MEI4: variants seen among roughly 807,000 people sequenced by gnomAD.
The protein encoded by MEI4 is meiosis-specific protein MEI4.
Under a neutral mutation model 31.4 loss-of-function variants are expected in MEI4, and 27 were observed. That is an observed-to-expected ratio of 0.86 (90% confidence interval 0.63 to 1.19). MEI4 has a LOEUF of 1.19. MEI4 is among the 50% of genes most tolerant of loss of function. MEI4 has a pLI of 0.00. For missense variants in MEI4, 329 were observed against 398.9 expected, an observed-to-expected ratio of 0.82 and a Z score of 1.49; for synonymous variants, 122 against 145.4, an observed-to-expected ratio of 0.84 and a Z score of 1.16.
intron 3 of MEI4, among the ~76,000 whole-genome samples, chr6:77,777,210 G>A (rs1390724476): frequency 1.3e-5 from 2 of 152,070 alleles, no homozygotes; most frequent in Non-Finnish European, 2.9e-5. Context: ...AGTTAGAAAG[G>A]AAATAGACAA....
At chr6:77,840,254 A>G (rs1770327105) in intron 4 of MEI4, among the ~76,000 whole-genome samples, 1 of 152,196 alleles carries the variant, frequency 6.6e-6, no homozygotes, top group African/African-American at 2.4e-5. Flanking sequence ...CAGAATAGAG[A>G]TAACAAAGAA....
chr6:77,732,946 T>C (rs1767055047), intron 2 of MEI4, among the ~76,000 whole-genome samples: 1 of 151,130 alleles, frequency 6.6e-6, no homozygotes, highest in Admixed American at 6.7e-5. Flanking sequence ...TTTGCATATA[T>C]TGAACCAGCC....
intron 2 of MEI4, among the ~76,000 whole-genome samples, chr6:77,728,889 A>G (rs1049671570): frequency 1.3e-5 from 2 of 152,146 alleles, no homozygotes; most frequent in African/African-American, 2.4e-5. Context: ...GGAGTTTTAA[A>G]CTTCTTGCTC....
intron 3 of MEI4, among the ~76,000 whole-genome samples, chr6:77,771,281 G>A (rs1271923151): frequency 2.0e-5 from 3 of 151,870 alleles, no homozygotes; most frequent in African/African-American, 7.3e-5. Context: ...AAAAAAATCA[G>A]AAAAAAACAG....
chr6:77,805,691 A>G (rs900177443), intron 3 of MEI4, among the ~76,000 whole-genome samples: 2 of 152,028 alleles, frequency 1.3e-5, no homozygotes, highest in Non-Finnish European at 2.9e-5. Flanking sequence ...TATTGCTTCA[A>G]GGAAAGAAAA....
chr6:77,745,633 A>G (rs1460003985), intron 2 of MEI4, among the ~76,000 whole-genome samples: 1 of 152,226 alleles, frequency 6.6e-6, no homozygotes, highest in Non-Finnish European at 1.5e-5. Context: ...ATAGACATCT[A>G]CAGAACTCTC....
At chr6:77,706,172 A>G (rs1180167302) in intron 2 of MEI4, among the ~76,000 whole-genome samples, 1 of 152,214 alleles carries the variant, frequency 6.6e-6, no homozygotes, top group East Asian at 1.9e-4. Context: ...AGCTAGACAT[A>G]AAACCTAGAA....
At chr6:77,907,353 G>T (rs1433526586) in intron 4 of MEI4, among the ~76,000 whole-genome samples, 1 of 152,030 alleles carries the variant, frequency 6.6e-6, no homozygotes, top group African/African-American at 2.4e-5. Flanking sequence ...TGTTCTCATT[G>T]TTCAATTCCC....
At chr6:77,876,623 A>G (rs905427258) in intron 4 of MEI4, among the ~76,000 whole-genome samples, 1 of 152,314 alleles carries the variant, frequency 6.6e-6, no homozygotes. Context: ...TTAGGTATCA[A>G]GTATCTAGCA....
In MEI4 at chr6:77,878,185, A is replaced by G. The variant is rs1377639131; in HGVS notation, c.901-44904A>G. On this transcript the variant is annotated intron_variant, in intron 4 of 4. Coordinates refer to ENST00000684080, the MANE Select transcript of MEI4 (RefSeq NM_001322247.2). ...CTTGGGTTTCTACATACATTTTTCT[A>G]TTTGGATCAGATAAAATAAGTAATA... is the stretch of plus-strand genomic sequence containing the variant. 2.0e-5 allele frequency among the ~76,000 whole-genome samples: 3 copies of G among 151,816 alleles called. No individual in the cohort carries two copies. The East Asian group carries it at 5.8e-4, about 29-fold the overall frequency.
At chr6:77,749,173 C>T (rs1323080873) in intron 2 of MEI4, among the ~76,000 whole-genome samples, 1 of 152,090 alleles carries the variant, frequency 6.6e-6, no homozygotes, top group Non-Finnish European at 1.5e-5. Flanking sequence ...GAAACCAGTG[C>T]AAAAAAGCTG....
intron 4 of MEI4, among the ~76,000 whole-genome samples, chr6:77,834,311 T>G (rs1227913910): frequency 6.9e-6 from 1 of 145,016 alleles, no homozygotes; most frequent in African/African-American, 2.6e-5. Context: ...TTTTCAAAAT[T>G]TATAATAAAT....
At chr6:77,922,949 G>A (rs1766743763) in intron 4 of MEI4, 140 bp from the exon 5 acceptor site, 1 of 433,046 alleles carries the variant, frequency 2.3e-6, no homozygotes, top group Non-Finnish European at 3.9e-6. Flanking sequence ...TTTCCCCCTT[G>A]TTCACCAGTG....
intron 3 of MEI4, among the ~76,000 whole-genome samples, chr6:77,782,294 T>C (rs1188770062): frequency 6.6e-6 from 1 of 152,142 alleles, no homozygotes; most frequent in Non-Finnish European, 1.5e-5. Context: ...ATTATCAGCC[T>C]ATAAGACATT....
At chr6:77,865,821 A>T (rs1309146673) in intron 4 of MEI4, among the ~76,000 whole-genome samples, 1 of 152,220 alleles carries the variant, frequency 6.6e-6, no homozygotes, top group African/African-American at 2.4e-5. Context: ...ATTGATGCAA[A>T]AATCCTCAAT....
At chr6:77,678,238 A>C (rs1055248783) in intron 1 of MEI4, among the ~76,000 whole-genome samples, 1 of 152,244 alleles carries the variant, frequency 6.6e-6, no homozygotes, top group Non-Finnish European at 1.5e-5. Context: ...CAAAAATAAA[A>C]AACAGATGTC....
intron 2 of MEI4, among the ~76,000 whole-genome samples, chr6:77,711,607 T>C (rs9343643): frequency 0.14 from 20,941 of 152,138 alleles, 1,529 homozygotes; most frequent in Middle Eastern, 0.21. Context: ...TCTGTGCATA[T>C]TGGGAAGTGC....
At chr6:77,859,917 CA>C (rs1338397127) in intron 4 of MEI4, among the ~76,000 whole-genome samples, 1 of 152,130 alleles carries the variant, frequency 6.6e-6, no homozygotes, top group East Asian at 1.9e-4. Context: ...GATCAAAAGC[CA>C]GATGCAAATC....
chr6:77,705,175 C>A (rs558681625), intron 2 of MEI4, among the ~76,000 whole-genome samples: 1 of 151,688 alleles, frequency 6.6e-6, no homozygotes, highest in African/African-American at 2.4e-5. Context: ...TCTCTCCCTT[C>A]TCCCCTCCAT....
Sources: allele counts gnomAD v4.1 joint callset (sites outside exome capture counted in the v4.1 genomes callset), GRCh38; gene constraint gnomAD v4.1.1; transcripts MANE v1.5; gene names NCBI Gene and HGNC (gene_info 2026-07-23, HGNC 2026-07-21).